CSMD1: variants seen among roughly 807,000 people sequenced by gnomAD.
CSMD1 encodes CUB and sushi domain-containing protein 1.
Under a neutral mutation model 417.5 loss-of-function variants are expected in CSMD1, and 213 were observed. That is an observed-to-expected ratio of 0.51 (90% confidence interval 0.46 to 0.57). The LOEUF (loss-of-function observed/expected upper bound fraction) is 0.57. Ranked by LOEUF, CSMD1 falls within the 20% of genes least tolerant of loss-of-function variation. CSMD1 has a pLI of 0.00. For synonymous variants in CSMD1, 2,862 were observed against 1,736.8 expected (o/e 1.65, Z -16.11); for missense variants, 6,923 against 4,529.7 (o/e 1.53, Z -15.17).
chr8:4,718,060 C>T (rs1046767986), intron 1 of CSMD1, among the ~76,000 whole-genome samples: 1 of 152,170 alleles, frequency 6.6e-6, no homozygotes, highest in African/African-American at 2.4e-5. Context: ...TCCCTGCAGC[C>T]TCTACCTCCC....
intron 10 of CSMD1, among the ~76,000 whole-genome samples, chr8:3,517,285 C>A (rs185020175): frequency 2.0e-5 from 3 of 152,128 alleles, no homozygotes; most frequent in Middle Eastern, 6.8e-3. Context: ...CACAAGAGAA[C>A]AAAAGATGGA....
chr8:3,231,364 A>G (rs1042543370), intron 26 of CSMD1, among the ~76,000 whole-genome samples: 2 of 152,250 alleles, frequency 1.3e-5, no homozygotes, highest in South Asian at 2.1e-4. Flanking sequence ...AAGTTTTATG[A>G]AAGAGCAAAA....
At chr8:4,376,584 T>G (rs11781210) in intron 3 of CSMD1, among the ~76,000 whole-genome samples, 37,571 of 151,918 alleles carry the variant, frequency 0.25, 4,869 homozygotes, top group Middle Eastern at 0.34. Flanking sequence ...TGTTACAACA[T>G]TGAGTTAGTC....
At chr8:4,853,010 C>T (rs1801575016) in intron 1 of CSMD1, among the ~76,000 whole-genome samples, 1 of 152,154 alleles carries the variant, frequency 6.6e-6, no homozygotes, top group Admixed American at 6.5e-5. Flanking sequence ...GATGCAGGCA[C>T]ATTAAATGAC....
chr8:3,980,578 G>T (rs1329316090), intron 5 of CSMD1, among the ~76,000 whole-genome samples: 1 of 152,078 alleles, frequency 6.6e-6, no homozygotes. Flanking sequence ...AGTGAAAATA[G>T]TTTCCCCCCT....
intron 26 of CSMD1, among the ~76,000 whole-genome samples, chr8:3,282,396 C>T (rs992576344): frequency 6.6e-6 from 1 of 152,050 alleles, no homozygotes; most frequent in Non-Finnish European, 1.5e-5. Flanking sequence ...GAAAAAAATG[C>T]CTGGAGAATA....
chr8:4,391,934 A>G (rs1012199295), intron 3 of CSMD1, among the ~76,000 whole-genome samples: 2 of 152,190 alleles, frequency 1.3e-5, no homozygotes, highest in Admixed American at 6.5e-5. Context: ...TCCCATGAAG[A>G]ATACTGAGAT....
chr8:3,440,143 A>G (rs1433371724), intron 12 of CSMD1, among the ~76,000 whole-genome samples: 1 of 152,166 alleles, frequency 6.6e-6, no homozygotes, highest in Non-Finnish European at 1.5e-5. Flanking sequence ...CAGTTCCTCT[A>G]CATTTTCATA....
chr8:3,852,967 T>A (rs146016019), intron 5 of CSMD1, among the ~76,000 whole-genome samples: 1 of 152,192 alleles, frequency 6.6e-6, no homozygotes, highest in South Asian at 2.1e-4. Context: ...CACCGCTTTA[T>A]GGCAAGGCTC....
At chr8:3,727,126 T>G (rs527300644) in intron 6 of CSMD1, among the ~76,000 whole-genome samples, 1 of 152,358 alleles carries the variant, frequency 6.6e-6, no homozygotes, top group South Asian at 2.1e-4. Flanking sequence ...ACCAATTATT[T>G]ATGATATTAA....
At chr8:3,224,392 C>T (rs975119245) in intron 27 of CSMD1, among the ~76,000 whole-genome samples, 3 of 152,144 alleles carry the variant, frequency 2.0e-5, no homozygotes, top group African/African-American at 4.8e-5. Context: ...AACGTCTAGG[C>T]GGTTTCTGGA....
At chr8:3,322,828 C>T (rs79367976) in intron 23 of CSMD1, among the ~76,000 whole-genome samples, 7,018 of 152,316 alleles carry the variant, frequency 0.046, 359 homozygotes, top group East Asian at 0.21. Context: ...AAAATCATTT[C>T]CTTATTCTTA....
intron 1 of CSMD1, among the ~76,000 whole-genome samples, chr8:4,721,974 A>G (rs1809086278): frequency 6.6e-6 from 1 of 152,302 alleles, no homozygotes; most frequent in East Asian, 1.9e-4. Flanking sequence ...AAAACGGAAT[A>G]CAAAGAAACA....
At chr8:3,534,832 G>A (rs7010391) in intron 10 of CSMD1, among the ~76,000 whole-genome samples, 19,014 of 152,208 alleles carry the variant, frequency 0.12, 1,381 homozygotes, top group Middle Eastern at 0.2. Context: ...CACATTTTGG[G>A]AAACGTTGCT....
At chr8:2,993,863 T>C (rs1411825533) in intron 54 of CSMD1, among the ~76,000 whole-genome samples, 2 of 151,002 alleles carry the variant, frequency 1.3e-5, no homozygotes, top group East Asian at 3.9e-4. Flanking sequence ...TCGTCAACGG[T>C]TGTTCTGAAA....
intron 2 of CSMD1, among the ~76,000 whole-genome samples, chr8:4,451,930 T>A (rs1262025413): frequency 2.0e-5 from 3 of 149,074 alleles, no homozygotes; most frequent in Non-Finnish European, 4.4e-5. Context: ...GATGTAAAAT[T>A]TAATGTATAT....
chr8:4,835,675 T>C (rs1337145134), intron 1 of CSMD1, among the ~76,000 whole-genome samples: 3 of 152,176 alleles, frequency 2.0e-5, no homozygotes, highest in Admixed American at 6.5e-5. Context: ...GTAACATTTT[T>C]CTTTTATTTG....
chr8:3,547,319 A>C (rs1163336882), intron 10 of CSMD1, among the ~76,000 whole-genome samples: 2 of 152,254 alleles, frequency 1.3e-5, no homozygotes. Context: ...TGCTTATTTC[A>C]GTTTCTAAGT....
chr8:3,519,635 G>A (rs970746196), intron 10 of CSMD1, among the ~76,000 whole-genome samples: 3 of 152,156 alleles, frequency 2.0e-5, no homozygotes, highest in African/African-American at 7.2e-5. Flanking sequence ...GCTATCTGTA[G>A]CACATGCATA....
Sources: gnomAD v4.1 joint callset for allele counts (sites outside exome capture counted in the v4.1 genomes callset) on GRCh38, gnomAD v4.1.1 for gene constraint, MANE v1.5 for transcripts, NCBI Gene and HGNC (gene_info 2026-07-23, HGNC 2026-07-21) for gene names.